TNFSF15: variants seen among roughly 807,000 people sequenced by gnomAD.
TNFSF15 encodes the protein tumor necrosis factor ligand superfamily member 15.
In TNFSF15, 15 loss-of-function variants were observed where a neutral mutation model predicts 26.4. That is an observed-to-expected ratio of 0.57 (90% CI 0.38 to 0.87). The LOEUF (loss-of-function observed/expected upper bound fraction) is 0.87. TNFSF15 is among the 40% of genes least tolerant of loss of function. The pLI, the probability that TNFSF15 is intolerant of heterozygous loss-of-function variation, is 0.00. For missense variants in TNFSF15, 290 were observed against 306.1 expected (o/e 0.95, Z 0.39); for synonymous variants, 116 against 115.0 (o/e 1.01, Z -0.06).
Position 114,805,823 on chromosome 9 carries a change from C to T in TNFSF15, c.190G>A (p.Glu64Lys). The T allele has an allele frequency of 6.2e-7, 1 of 1,613,504 alleles. No homozygotes were observed. The highest frequency in any genetic ancestry group is 8.5e-7 in the Non-Finnish European group (1 of 1,180,034). ...CTTACCTGGAACTGCACACAGGCCTCTCCCTGGGCCCGGAGCTGGCTGACA... is the reference window on the plus strand; with the variant it reads ...CTTACCTGGAACTGCACACAGGCCTTTCCCTGGGCCCGGAGCTGGCTGACA... ...LLVSQLRAQGEACVQFQALKG... is the reference protein window; with the variant it reads ...LLVSQLRAQGKACVQFQALKG... Residue 64 changes from glutamate to lysine, a missense_variant, in exon 1 of 4, where the codon GAG becomes AAG. Transcript: ENST00000374045.
chr9:114,803,946 C>T (rs1829781425), intron 1 of TNFSF15, among the ~76,000 whole-genome samples: 1 of 152,216 alleles, frequency 6.6e-6, no homozygotes, highest in African/African-American at 2.4e-5. Context: ...AGCAAAGAGG[C>T]CCTTCTTTAA....
chr9:114,792,518 T>TTG (rs1346849248), intron 2 of TNFSF15, 64 bp from the exon 3 acceptor site: 3 of 1,610,936 alleles, frequency 1.9e-6, no homozygotes, highest in African/African-American at 2.7e-5. Flanking sequence ...AGACGGCCCT[T>TTG]TGTGAGTTGC....
Position 114,785,566 on chromosome 9 carries a change from A to C in TNFSF15, c.*4886T>G, listed in dbSNP as rs1192982886. 2 of 152,264 alleles carry C rather than the reference A, an allele frequency of 1.3e-5. No individual in the cohort carries two copies. The highest frequency in any genetic ancestry group is 4.8e-5 in the African/African-American group (2 of 41,474). The allele number at this position is 152,264 out of a possible 1,614,324, so 9.4% of individuals were successfully genotyped here. On this transcript the variant is annotated 3_prime_UTR_variant, in exon 4 of 4. Coordinates refer to ENST00000374045, the MANE Select transcript of TNFSF15 (RefSeq NM_005118.4). ...AACCTCTGTGAAGAATAGCTTCTACAAAAACCCTTGTGACAAGCCCTTTGT... is the reference window on the plus strand; with the variant it reads ...AACCTCTGTGAAGAATAGCTTCTACCAAAACCCTTGTGACAAGCCCTTTGT...
Position 114,806,027 on chromosome 9 carries a change from T to C in TNFSF15, c.-15A>G. 3 of 1,611,784 alleles carry C rather than the reference T, an allele frequency of 1.9e-6. No individual in the cohort carries two copies. The highest frequency in any genetic ancestry group is 2.5e-6 in the Non-Finnish European group (3 of 1,178,600). ...TCCTCGGCCATGCTCCTGCTGCTCC[T>C]GGAGGCACCTCTGACTCCTGGGCAG... On this transcript the variant is annotated 5_prime_UTR_variant, in exon 1 of 4. Coordinates refer to ENST00000374045, the MANE Select transcript of TNFSF15 (RefSeq NM_005118.4).
chr9:114,804,402 G>A (rs997431024), intron 1 of TNFSF15, among the ~76,000 whole-genome samples: 1 of 152,124 alleles, frequency 6.6e-6, no homozygotes, highest in Non-Finnish European at 1.5e-5. Context: ...GATAGACAAA[G>A]GCAGTCCTCG....
Position 114,793,450 on chromosome 9 carries a change from G to T in TNFSF15, c.253+76C>A. The T allele has an allele frequency of 2.6e-6, 4 of 1,536,474 alleles. No homozygotes were observed. In the South Asian group the frequency reaches 3.4e-5, roughly 13 times the overall value. Reference sequence around the variant, plus strand: ...AACTTGTACTTAAAGACTCATCTCTGAACTTCCTGCATACAGAACTACTAG... The same window carrying T: ...AACTTGTACTTAAAGACTCATCTCTTAACTTCCTGCATACAGAACTACTAG... On this transcript the variant is annotated intron_variant, in intron 2 of 3. Coordinates refer to ENST00000374045, the MANE Select transcript of TNFSF15 (RefSeq NM_005118.4).
In TNFSF15 at chr9:114,786,330, C is replaced by T. The variant is rs1398010976; in HGVS notation, c.*4122G>A. 3 of 152,158 alleles carry T rather than the reference C, an allele frequency of 2.0e-5. No individual in the cohort carries two copies. Among genetic ancestry groups the T allele is most frequent in the Non-Finnish European group, 2.9e-5 (2 of 68,036 alleles). The allele number at this position is 152,158 out of a possible 1,614,324, so 9.4% of individuals were successfully genotyped here. A position where few individuals can be genotyped will look rare whatever the true frequency, so the allele number is the denominator to read the frequency against. ...CAGTTCTGTCTTGCAGAATTAATCC[C>T]CAATGTCACAATCATGGAAACAGAA... On this transcript the variant is annotated 3_prime_UTR_variant, in exon 4 of 4. Coordinates refer to ENST00000374045, the MANE Select transcript of TNFSF15 (RefSeq NM_005118.4).
intron 1 of TNFSF15, among the ~76,000 whole-genome samples, chr9:114,804,796 G>A (rs1476841614): frequency 1.3e-5 from 2 of 152,272 alleles, no homozygotes; most frequent in East Asian, 3.8e-4. Flanking sequence ...GAGAATTACA[G>A]ATTTTCCATG....
In TNFSF15 at chr9:114,786,474, G is replaced by A. The variant is rs1362464837; in HGVS notation, c.*3978C>T. The A allele has an allele frequency of 6.6e-6, 1 of 152,176 alleles. No homozygotes were observed. The highest frequency in any genetic ancestry group is 2.4e-5 in the African/African-American group (1 of 41,434). 9.4% of individuals were successfully genotyped at this position (152,176 alleles called of 1,614,324 possible). A position where few individuals can be genotyped will look rare whatever the true frequency, so the allele number is the denominator to read the frequency against. ...GGGATTACTGACCAGCACAGAGGCG[G>A]AATTTCCTCTGGGGTGATGAGAACT... On this transcript the variant is annotated 3_prime_UTR_variant, in exon 4 of 4. Transcript: ENST00000374045.
Position 114,790,545 on chromosome 9 carries a change from T to C in TNFSF15, c.663A>G (p.Gln221=). ...CGTTCACCATTAGCTTGTCCCCTTC[T>C]TGCAAGGAGAACATGGCTCCGAGGT... is the stretch of plus-strand genomic sequence containing the variant. ...PIYLGAMFSL[Q]EGDKLMVNVS... The change falls in exon 4 of 4, where the codon CAA becomes CAG. Residue 221 remains glutamine (Q), a synonymous_variant. Coordinates refer to ENST00000374045, the MANE Select transcript of TNFSF15 (RefSeq NM_005118.4). 6 of 1,614,112 alleles carry C rather than the reference T, an allele frequency of 3.7e-6. No homozygotes were observed. The highest frequency in any genetic ancestry group is 5.1e-6 in the Non-Finnish European group (6 of 1,180,012).
intron 2 of TNFSF15, 112 bp downstream of exon 2, chr9:114,793,414 C>A: frequency 7.6e-7 from 1 of 1,312,368 alleles, no homozygotes; most frequent in East Asian, 2.4e-5. Flanking sequence ...ATTTGCATCC[C>A]TCAGCTTAGC....
intron 2 of TNFSF15, among the ~76,000 whole-genome samples, chr9:114,792,790 A>G (rs1444969796): frequency 1.3e-5 from 2 of 152,212 alleles, no homozygotes; most frequent in Non-Finnish European, 2.9e-5. Context: ...AATTTTGCAC[A>G]TGGCCAATGC....
At chr9:114,802,822 C>T (rs904533398) in intron 1 of TNFSF15, among the ~76,000 whole-genome samples, 4 of 152,146 alleles carry the variant, frequency 2.6e-5, no homozygotes, top group African/African-American at 9.7e-5. Context: ...GGCCACCTGG[C>T]ACTTGGAACA....
At position 114,801,064 on chromosome 9, in the gene TNFSF15, A is replaced by C. The variant is rs1231224257; in HGVS notation, c.210+4739T>G. Reference sequence around the variant, plus strand: ...GATGATCCTGGAAGTAGAACTGAAAAGGGAAGGACAGGTTGGGCAGTGGTT... The same window carrying C: ...GATGATCCTGGAAGTAGAACTGAAACGGGAAGGACAGGTTGGGCAGTGGTT... On this transcript the variant is annotated intron_variant, in intron 1 of 3. Transcript: ENST00000374045. Among the ~76,000 whole-genome samples, 4 of 152,186 alleles carry C rather than the reference A, an allele frequency of 2.6e-5. 1 individual carries two copies. In the South Asian group the frequency reaches 8.3e-4, roughly 31 times the overall value.
intron 1 of TNFSF15, among the ~76,000 whole-genome samples, chr9:114,801,612 A>G (rs1269563016): frequency 6.6e-6 from 1 of 152,182 alleles, no homozygotes; most frequent in African/African-American, 2.4e-5. Flanking sequence ...TCCTTGACAG[A>G]CACTTCAAAT....
intron 3 of TNFSF15, chr9:114,791,458 G>C (rs1394763568): frequency 5.8e-6 from 1 of 172,170 alleles, no homozygotes; most frequent in Admixed American, 6.1e-5. Flanking sequence ...CATCTCCCTG[G>C]TCCTAATCCT....
intron 1 of TNFSF15, among the ~76,000 whole-genome samples, chr9:114,796,857 A>G (rs1306450961): frequency 6.6e-6 from 1 of 152,134 alleles, no homozygotes; most frequent in Non-Finnish European, 1.5e-5. Flanking sequence ...GTTTTTGAAA[A>G]CCTAAACCCA....
At position 114,787,270 on chromosome 9, in the gene TNFSF15, T is replaced by C. The variant is rs1488907003; in HGVS notation, c.*3182A>G. ...AAAAAACACTTCGAGTAAACACAAA[T>C]CATTTTGTTAGTCATCAGCCTTAAT... On this transcript the variant is annotated 3_prime_UTR_variant, in exon 4 of 4. Transcript: ENST00000374045. 2 of 152,220 alleles carry C rather than the reference T, an allele frequency of 1.3e-5. No individual in the cohort carries two copies. The highest frequency in any genetic ancestry group is 4.8e-5 in the African/African-American group (2 of 41,444). The allele number at this position is 152,220 out of a possible 1,614,324, so 9.4% of individuals were successfully genotyped here. A position where few individuals can be genotyped will look rare whatever the true frequency, so the allele number is the denominator to read the frequency against.
In TNFSF15 at chr9:114,790,888, G is replaced by A. The variant is rs763957233; in HGVS notation, c.320C>T (p.Thr107Ile). 7 of 1,614,146 alleles carry A rather than the reference G, an allele frequency of 4.3e-6. No homozygotes were observed. Among genetic ancestry groups the A allele is most frequent in the Non-Finnish European group, 5.1e-6 (6 of 1,180,006 alleles). ...AHLTVVRQTP[T>I]QHFKNQFPAL... is the part of the protein sequence containing the mutation. Reference sequence around the variant, plus strand: ...TGGGAACTGATTTTTAAAGTGCTGTGTGGGAGTTTGTCTCACAACTGGAAA... The same window carrying A: ...TGGGAACTGATTTTTAAAGTGCTGTATGGGAGTTTGTCTCACAACTGGAAA... Residue 107 changes from threonine to isoleucine, a missense_variant, in exon 4 of 4, where the codon ACA (threonine) becomes ATA (isoleucine). Physicochemically the swap from Thr to Ile is moderately conservative, Grantham distance 89. Transcript: ENST00000374045.
Sources: gnomAD v4.1 joint callset for allele counts (sites outside exome capture counted in the v4.1 genomes callset) on GRCh38, gnomAD v4.1.1 for gene constraint, MANE v1.5 for transcripts, NCBI Gene and HGNC (gene_info 2026-07-23, HGNC 2026-07-21) for gene names.